OR51B5: variants seen among roughly 807,000 people sequenced by gnomAD.
OR51B5 encodes the protein olfactory receptor 51B5.
For missense variants in OR51B5, 456 were observed against 374.6 expected (o/e 1.22, Z -1.79); for synonymous variants, 186 against 144.8 (o/e 1.28, Z -2.04).
In OR51B5 at chr11:5,501,774, T is replaced by C. The variant is rs150299658; in HGVS notation, n.84+3795A>G. Among the ~76,000 whole-genome samples, 1,113 of 148,550 alleles carry C rather than the reference T, an allele frequency of 7.5e-3. 35 individuals carry two copies. The highest frequency in any genetic ancestry group is 0.025 in the African/African-American group (1,050 of 41,368). On this transcript the variant is annotated intron_variant and non_coding_transcript_variant, in intron 1 of 4. Transcript: ENST00000415970. ...TTCTTTGCTTATTAATTTCTCCCTG[T>C]TTATTATTATACTTTAAGTTCTAGG...
chr11:5,410,469 T>C (rs1280584280), intron 1 of OR51B5, among the ~76,000 whole-genome samples: 2 of 152,176 alleles, frequency 1.3e-5, no homozygotes, highest in Non-Finnish European at 2.9e-5. Flanking sequence ...CGGTCATGTT[T>C]CACATAATGA....
intron 1 of OR51B5, among the ~76,000 whole-genome samples, chr11:5,379,563 T>A (rs1849579417): frequency 6.6e-6 from 1 of 152,152 alleles, no homozygotes; most frequent in Non-Finnish European, 1.5e-5. Flanking sequence ...ATGCAATGTG[T>A]CTTTTTCTAT....
At chr11:5,441,450 A>G (rs1456848168) in intron 1 of OR51B5, 5 of 1,613,664 alleles carry the variant, frequency 3.1e-6, no homozygotes, top group East Asian at 2.2e-5. Flanking sequence ...GCCTGTTTGT[A>G]TCCCAGGAAT....
chr11:5,480,054 T>C (rs1851391565), intron 1 of OR51B5, among the ~76,000 whole-genome samples: 1 of 151,974 alleles, frequency 6.6e-6, no homozygotes, highest in Non-Finnish European at 1.5e-5. Flanking sequence ...ATCAACAGAA[T>C]ATACATTTTT....
chr11:5,343,531 T>G, upstream of OR51B5: 2 of 813,974 alleles, frequency 2.5e-6, no homozygotes, highest in Non-Finnish European at 4.1e-6. Context: ...ACATCCTGGG[T>G]TTATATAGAA....
chr11:5,352,620 C>G lies in OR51B5; in HGVS notation n.85-5710G>C, dbSNP rs555817216. ...TAGAACATTATTTTACCCTGCCTGTCTATTGCTGATTTGTATAAGATATAT... is the reference window on the plus strand; with the variant it reads ...TAGAACATTATTTTACCCTGCCTGTGTATTGCTGATTTGTATAAGATATAT... On this transcript the variant is annotated intron_variant and non_coding_transcript_variant, in intron 1 of 4. Coordinates refer to the OR51B5 transcript ENST00000415970. Among the ~76,000 whole-genome samples the G allele has an allele frequency of 3.9e-5, 6 of 152,130 alleles. No individual in the cohort carries two copies. The South Asian group carries it at 1.2e-3, about 32-fold the overall frequency.
At chr11:5,342,253 T>A (rs1589941201), downstream of OR51B5, among the ~76,000 whole-genome samples, 1 of 152,326 alleles carries the variant, frequency 6.6e-6, no homozygotes, top group East Asian at 1.9e-4. Flanking sequence ...TTTTTATGAT[T>A]CTGTTCCTAT....
chr11:5,398,638 A>G (rs2340328), intron 1 of OR51B5, among the ~76,000 whole-genome samples: 80,489 of 151,884 alleles, frequency 0.53, 21,858 homozygotes, highest in African/African-American at 0.65. Flanking sequence ...TAATCCCTAT[A>G]TGTCGGGGGA....
chr11:5,352,471 A>G (rs112254183), intron 1 of OR51B5: 1 of 1,448,004 alleles, frequency 6.9e-7, no homozygotes, highest in South Asian at 1.2e-5. Flanking sequence ...TCTCTGAGGA[A>G]TAATTCAGGG....
chr11:5,465,205 C>CAAAAAAA (rs34459420), intron 1 of OR51B5, among the ~76,000 whole-genome samples: 8 of 45,426 alleles, frequency 1.8e-4, no homozygotes, highest in African/African-American at 6.5e-4. Flanking sequence ...GACTCCGTCT[C>CAAAAAAA]AAAAAAAAAA....
intron 1 of OR51B5, chr11:5,352,222 T>A (rs752800742): frequency 1.9e-6 from 3 of 1,614,160 alleles, no homozygotes; most frequent in Non-Finnish European, 1.7e-6. Context: ...CCTCAACACA[T>A]GTGTCTCTCA....
intron 1 of OR51B5, among the ~76,000 whole-genome samples, chr11:5,475,648 A>C (rs1046333175): frequency 5.3e-5 from 8 of 152,334 alleles, no homozygotes; most frequent in African/African-American, 1.4e-4. Context: ...ACATAAATGG[A>C]AAAGTATGCA....
At chr11:5,469,700 T>A (rs1408355993) in intron 1 of OR51B5, among the ~76,000 whole-genome samples, 1 of 152,200 alleles carries the variant, frequency 6.6e-6, no homozygotes, top group African/African-American at 2.4e-5. Context: ...TTCTTGTGTC[T>A]ATATAGTTTT....
At chr11:5,393,657 A>ACT (rs1849829318) in intron 1 of OR51B5, among the ~76,000 whole-genome samples, 2 of 152,180 alleles carry the variant, frequency 1.3e-5, no homozygotes, top group African/African-American at 4.8e-5. Context: ...TAAGCATTTA[A>ACT]CTCACGGTAG....
intron 1 of OR51B5, among the ~76,000 whole-genome samples, chr11:5,404,573 G>A (rs7483061): frequency 0.16 from 24,622 of 152,018 alleles, 2,462 homozygotes; most frequent in African/African-American, 0.29. Context: ...GGATGTGGGC[G>A]GGGCCAAATA....
At chr11:5,486,583 G>A (rs928310188) in intron 1 of OR51B5, among the ~76,000 whole-genome samples, 12 of 152,312 alleles carry the variant, frequency 7.9e-5, no homozygotes, top group African/African-American at 1.4e-4. Context: ...TAGCTTCTAA[G>A]TTTGCCTAAG....
At chr11:5,354,387 G>T (rs1292587100) in intron 1 of OR51B5, among the ~76,000 whole-genome samples, 1 of 152,160 alleles carries the variant, frequency 6.6e-6, no homozygotes, top group Admixed American at 6.6e-5. Flanking sequence ...TTCTGTAAAT[G>T]GACACATTTG....
intron 1 of OR51B5, among the ~76,000 whole-genome samples, chr11:5,386,944 A>G (rs1196186154): frequency 6.6e-6 from 1 of 152,154 alleles, no homozygotes; most frequent in Non-Finnish European, 1.5e-5. Flanking sequence ...GCTGGGCTCA[A>G]TATTAGACGT....
At chr11:5,355,770 AAAAAAAG>A (rs1849184458) in intron 1 of OR51B5, among the ~76,000 whole-genome samples, 1 of 152,132 alleles carries the variant, frequency 6.6e-6, no homozygotes, top group Non-Finnish European at 1.5e-5. Flanking sequence ...ATTAAAAAAA[AAAAAAAG>A]AGTAGGGTCA....
Sources: allele counts gnomAD v4.1 joint callset (sites outside exome capture counted in the v4.1 genomes callset), GRCh38; gene constraint gnomAD v4.1.1; transcripts MANE v1.5; gene names NCBI Gene and HGNC (gene_info 2026-07-23, HGNC 2026-07-21).